The following CFAP210 variants were observed in gnomAD, a reference collection of about 807,000 sequenced individuals.
CFAP210 encodes the protein cilia- and flagella- associated protein 210.
the CFAP210 span, among the ~76,000 whole-genome samples, chr2:169,679,653 C>T: frequency 1.5e-5 from 2 of 130,208 alleles, no homozygotes; most frequent in Admixed American, 1.8e-4. Flanking sequence ...TGCACTCTAG[C>T]CTGGGTGACA....
chr2:169,690,699 C>T, the CFAP210 span, among the ~76,000 whole-genome samples: 16 of 149,290 alleles, frequency 1.1e-4, no homozygotes, highest in African/African-American at 3.7e-4. Context: ...AAGACTTTTT[C>T]TTTCAGTAAT....
chr2:169,688,261 AT>A, the CFAP210 span, among the ~76,000 whole-genome samples: 16 of 152,316 alleles, frequency 1.1e-4, no homozygotes, highest in Admixed American at 2.6e-4. Context: ...GCTTATGCAG[AT>A]TTCTGCAGCT....
chr2:169,686,838 C>A, the CFAP210 span, among the ~76,000 whole-genome samples: 11 of 152,150 alleles, frequency 7.2e-5, no homozygotes, highest in Non-Finnish European at 1.3e-4. Context: ...AATACTAAAT[C>A]TCCCAGCCCA....
chr2:169,692,510 A>G, the CFAP210 span, among the ~76,000 whole-genome samples: 6 of 149,572 alleles, frequency 4.0e-5, no homozygotes, highest in African/African-American at 1.5e-4. Flanking sequence ...GAGAGAGAGA[A>G]AGAAGAGGGC....
At chr2:169,689,953 AT>A in the CFAP210 span, among the ~76,000 whole-genome samples, 1 of 152,008 alleles carries the variant, frequency 6.6e-6, no homozygotes, top group Admixed American at 6.6e-5. Context: ...GTATATAATA[AT>A]TTTTTATATG....
At chr2:169,693,972 AGCTGGG>A in the CFAP210 span, among the ~76,000 whole-genome samples, 90,027 of 151,096 alleles carry the variant, frequency 0.6, 27,447 homozygotes, top group African/African-American at 0.73. Context: ...GTTTTAGGTC[AGCTGGG>A]GCTGGGGGTG....
the CFAP210 span, among the ~76,000 whole-genome samples, chr2:169,676,840 T>G: frequency 2.6e-5 from 4 of 152,130 alleles, no homozygotes; most frequent in Non-Finnish European, 4.4e-5. Flanking sequence ...TTTATGCCTA[T>G]CTGTAGTTTT....
chr2:169,649,078 A>G, the CFAP210 span: 1 of 990,622 alleles, frequency 1.0e-6, no homozygotes, highest in Non-Finnish European at 1.4e-6. Flanking sequence ...CATAATGACC[A>G]TTTTTTTCTT....
At chr2:169,670,304 C>T in the CFAP210 span, among the ~76,000 whole-genome samples, 2 of 152,028 alleles carry the variant, frequency 1.3e-5, no homozygotes, top group Non-Finnish European at 2.9e-5. Context: ...TTTGTCTTAT[C>T]GCCGTCACAC....
the CFAP210 span, chr2:169,681,200 T>C: frequency 1.9e-5 from 31 of 1,613,538 alleles, no homozygotes; most frequent in Middle Eastern, 1.7e-4. Flanking sequence ...AAGAGGCAGA[T>C]AGAGAACTTG....
chr2:169,685,541 C>T, the CFAP210 span, among the ~76,000 whole-genome samples: 1 of 152,008 alleles, frequency 6.6e-6, no homozygotes, highest in African/African-American at 2.4e-5. Flanking sequence ...ATATCTTCTC[C>T]CATTCGGTGG....
the CFAP210 span, among the ~76,000 whole-genome samples, chr2:169,652,771 G>A: frequency 2.7e-5 from 4 of 150,808 alleles, no homozygotes; most frequent in Non-Finnish European, 3.0e-5. Flanking sequence ...CGAGGCGGGC[G>A]GATCACGAGG....
chr2:169,666,966 C>T, the CFAP210 span, among the ~76,000 whole-genome samples: 1 of 152,120 alleles, frequency 6.6e-6, no homozygotes, highest in East Asian at 1.9e-4. Context: ...CTCACATCTT[C>T]AGGCTCCACT....
the CFAP210 span, chr2:169,654,043 A>C: frequency 1.3e-6 from 2 of 1,555,882 alleles, no homozygotes; most frequent in Non-Finnish European, 1.7e-6. Context: ...AATTTCAGAT[A>C]GTACTTTATT....
chr2:169,691,299 T>C, the CFAP210 span, among the ~76,000 whole-genome samples: 1 of 152,212 alleles, frequency 6.6e-6, no homozygotes, highest in Admixed American at 6.5e-5. Context: ...ATATCCTCTA[T>C]TTGGTAAGAC....
the CFAP210 span, among the ~76,000 whole-genome samples, chr2:169,647,593 C>T: frequency 6.6e-6 from 1 of 152,022 alleles, no homozygotes; most frequent in East Asian, 1.9e-4. Context: ...TAAGAGGAAC[C>T]AAGTATTTGA....
At chr2:169,646,027 G>T in the CFAP210 span, 30 of 1,613,738 alleles carry the variant, frequency 1.9e-5, no homozygotes, top group South Asian at 9.9e-5. Flanking sequence ...TTACAAGAGG[G>T]TAAATATATT....
the CFAP210 span, among the ~76,000 whole-genome samples, chr2:169,657,301 C>T: frequency 6.6e-6 from 1 of 151,992 alleles, no homozygotes; most frequent in Non-Finnish European, 1.5e-5. Flanking sequence ...AGAATAAAAG[C>T]ATCAACTGAA....
chr2:169,668,959 T>C, the CFAP210 span, among the ~76,000 whole-genome samples: 15,202 of 152,194 alleles, frequency 0.1, 963 homozygotes, highest in Middle Eastern at 0.19. Flanking sequence ...AAATCTTCGA[T>C]TTGTAAAAAA....
Sources: gnomAD v4.1 joint callset for allele counts (sites outside exome capture counted in the v4.1 genomes callset) on GRCh38, gnomAD v4.1.1 for gene constraint, MANE v1.5 for transcripts, NCBI Gene and HGNC (gene_info 2026-07-23, HGNC 2026-07-21) for gene names.